The following ACOXL variants were observed in gnomAD, a reference collection of about 807,000 sequenced individuals.
The protein encoded by ACOXL is acyl-CoA oxidase like.
A neutral mutation model predicts 71.9 loss-of-function variants in ACOXL; 70 were observed. The observed-to-expected ratio is 0.97, with a 90% confidence interval of 0.80 to 1.19. The LOEUF is 1.19. Among genes scored for constraint, ACOXL ranks in the 50% most tolerant of loss-of-function variants. The pLI is 0.00. For missense variants in ACOXL, 703 were observed against 736.3 expected, an observed-to-expected ratio of 0.95 and a Z score of 0.52; for synonymous variants, 253 against 281.6, an observed-to-expected ratio of 0.90 and a Z score of 1.02.
chr2:110,777,614 A>G (rs904536933), intron 2 of ACOXL, among the ~76,000 whole-genome samples: 2 of 152,188 alleles, frequency 1.3e-5, no homozygotes, highest in Non-Finnish European at 2.9e-5. Context: ...ACTCAAGATG[A>G]GTAGGAGACC....
At chr2:110,994,201 T>A (rs929141776) in intron 13 of ACOXL, among the ~76,000 whole-genome samples, 2 of 152,246 alleles carry the variant, frequency 1.3e-5, no homozygotes, top group African/African-American at 4.8e-5. Flanking sequence ...TTCAATAATA[T>A]ATGAAAGCTT....
At chr2:110,830,499 C>T (rs1229199183) in intron 9 of ACOXL, among the ~76,000 whole-genome samples, 1 of 151,698 alleles carries the variant, frequency 6.6e-6, no homozygotes, top group African/African-American at 2.4e-5. Context: ...TTCTATATTC[C>T]TGGTAGAAGG....
rs1198877932 is a variant in ACOXL, at chr2:110,963,852, C to T, written c.1060-23256C>T. ...GCACTTGATATTTGTTGTAGCTGAACAGGGGATTACGTTATTTCTCTCTTA... is the reference window on the plus strand; with the variant it reads ...GCACTTGATATTTGTTGTAGCTGAATAGGGGATTACGTTATTTCTCTCTTA... On this transcript the variant is annotated intron_variant, in intron 12 of 17. Coordinates refer to ENST00000439055, the MANE Select transcript of ACOXL (RefSeq NM_001142807.4). 1.4e-5 allele frequency: 17 copies of T among 1,245,750 alleles called. 1 individual carries two copies. In the Admixed American group the frequency reaches 4.5e-4, roughly 33 times the overall value. 77.2% of individuals were successfully genotyped at this position (1,245,750 alleles called of 1,614,324 possible).
At chr2:111,008,770 G>A (rs1487670545) in intron 14 of ACOXL, among the ~76,000 whole-genome samples, 3 of 152,154 alleles carry the variant, frequency 2.0e-5, no homozygotes, top group African/African-American at 7.2e-5. Flanking sequence ...CTCATCAATA[G>A]AATGTGTTCT....
At chr2:111,020,526 G>A (rs371584815) in intron 14 of ACOXL, among the ~76,000 whole-genome samples, 1 of 152,344 alleles carries the variant, frequency 6.6e-6, no homozygotes, top group African/African-American at 2.4e-5. Context: ...TGAAGCAAGA[G>A]AGTGATGTGT....
Position 110,981,231 on chromosome 2 carries a change from G to A in ACOXL, c.1060-5877G>A, listed in dbSNP as rs1028491231. ...ACAAAAATTAGGTGTGGTAGCAGGC[G>A]CCTGTAATCCCAGCTACTCAGGAAG... On this transcript the variant is annotated intron_variant, in intron 12 of 17. Transcript: ENST00000439055. Among the ~76,000 whole-genome samples the A allele has an allele frequency of 1.9e-4, 29 of 152,272 alleles. 1 individual carries two copies. The highest frequency in any genetic ancestry group is 5.8e-4 in the African/African-American group (24 of 41,556).
chr2:110,863,006 A>G (rs1004861097), intron 10 of ACOXL, among the ~76,000 whole-genome samples: 2 of 152,228 alleles, frequency 1.3e-5, no homozygotes, highest in African/African-American at 4.8e-5. Flanking sequence ...TCCCTGAGTA[A>G]CCGAGTAGGT....
chr2:111,059,531 C>G (rs1026710267), intron 16 of ACOXL, among the ~76,000 whole-genome samples: 1 of 152,180 alleles, frequency 6.6e-6, no homozygotes, highest in Non-Finnish European at 1.5e-5. Flanking sequence ...CAGGAAGATG[C>G]TGGAGACATA....
chr2:110,859,870 C>G (rs1221310026), intron 10 of ACOXL, among the ~76,000 whole-genome samples: 2 of 152,160 alleles, frequency 1.3e-5, no homozygotes, highest in Admixed American at 1.3e-4. Flanking sequence ...CCCTCAGACT[C>G]ACCGAAGAGG....
intron 10 of ACOXL, among the ~76,000 whole-genome samples, chr2:110,904,236 A>T (rs866118444): frequency 6.6e-6 from 1 of 152,118 alleles, no homozygotes. Context: ...GGAATGGGCT[A>T]TTGGGCATAG....
At chr2:110,850,771 A>G (rs1479175831) in intron 10 of ACOXL, among the ~76,000 whole-genome samples, 1 of 152,202 alleles carries the variant, frequency 6.6e-6, no homozygotes, top group Non-Finnish European at 1.5e-5. Context: ...GTTTCTTATG[A>G]TGTTAAACAT....
At chr2:110,789,807 G>A (rs1214585917) in intron 3 of ACOXL, among the ~76,000 whole-genome samples, 1 of 152,212 alleles carries the variant, frequency 6.6e-6, no homozygotes, top group East Asian at 1.9e-4. Context: ...ATTTGCTCTT[G>A]GAATTAGGAA....
chr2:110,876,529 AC>A (rs1695926071), intron 10 of ACOXL, among the ~76,000 whole-genome samples: 1 of 152,118 alleles, frequency 6.6e-6, no homozygotes, highest in East Asian at 1.9e-4. Context: ...ATTGCATCAC[AC>A]TGTGTGCAGC....
At chr2:110,814,348 C>G (rs987555144) in intron 9 of ACOXL, among the ~76,000 whole-genome samples, 1 of 151,880 alleles carries the variant, frequency 6.6e-6, no homozygotes. Context: ...ATGAGTTGAT[C>G]CAGCCTTTTC....
intron 16 of ACOXL, among the ~76,000 whole-genome samples, chr2:111,064,674 T>C (rs1397630163): frequency 6.6e-6 from 1 of 152,178 alleles, no homozygotes; most frequent in African/African-American, 2.4e-5. Context: ...ATTGAATCCA[T>C]GGATGCAGAA....
chr2:110,956,693 A>G (rs1343786917), intron 12 of ACOXL, among the ~76,000 whole-genome samples: 2 of 152,186 alleles, frequency 1.3e-5, no homozygotes, highest in African/African-American at 2.4e-5. Context: ...CTAACACATA[A>G]GATAAGATTG....
intron 2 of ACOXL, among the ~76,000 whole-genome samples, chr2:110,769,240 AAG>A (rs1017540600): frequency 1.3e-5 from 2 of 151,842 alleles, no homozygotes; most frequent in African/African-American, 4.8e-5. Flanking sequence ...GAAAGAAAGA[AAG>A]AAAGAAAGAA....
chr2:110,900,086 TACACACACACACACACACACACAC>T (rs60758688), intron 10 of ACOXL, among the ~76,000 whole-genome samples: 41,258 of 143,280 alleles, frequency 0.29, 6,453 homozygotes, highest in Non-Finnish European at 0.35. Flanking sequence ...CACACACACA[TACACACACACACACACACACACAC>T]ACACACACAC....
chr2:111,074,488 T>A (rs34931195), intron 16 of ACOXL, among the ~76,000 whole-genome samples: 41,696 of 152,110 alleles, frequency 0.27, 5,947 homozygotes, highest in East Asian at 0.44. Context: ...GAGATTTTTT[T>A]AAATCAGGAA....
Sources: allele counts gnomAD v4.1 joint callset (sites outside exome capture counted in the v4.1 genomes callset), GRCh38; gene constraint gnomAD v4.1.1; transcripts MANE v1.5; gene names NCBI Gene and HGNC (gene_info 2026-07-23, HGNC 2026-07-21).